Variants in CPA6 observed in about 807,000 individuals in gnomAD.
CPA6 encodes the protein carboxypeptidase B.
Under a neutral mutation model 63.3 loss-of-function variants are expected in CPA6, and 58 were observed. That is an observed-to-expected ratio of 0.92 (90% CI 0.74 to 1.14). The LOEUF (loss-of-function observed/expected upper bound fraction) is 1.14, where lower values mean the gene tolerates loss of function less well. Among genes scored for constraint, CPA6 ranks in the 50% most tolerant of loss-of-function variants. The probability of loss-of-function intolerance (pLI) is 0.00; values close to 1 mark genes in which losing one functional copy is unlikely to be tolerated. For synonymous variants in CPA6, 185 were observed against 179.0 expected (o/e 1.03, Z -0.27); for missense variants, 565 against 526.6 (o/e 1.07, Z -0.71).
chr8:67,465,850 G>C (rs1231927775), intron 8 of CPA6, among the ~76,000 whole-genome samples: 1 of 152,118 alleles, frequency 6.6e-6, no homozygotes, highest in Non-Finnish European at 1.5e-5. Flanking sequence ...GCTGGGTTTT[G>C]TTTGCTAGTA....
At chr8:67,491,251 AG>A (rs2128962358) in intron 6 of CPA6, among the ~76,000 whole-genome samples, 1 of 107,196 alleles carries the variant, frequency 9.3e-6, no homozygotes, top group East Asian at 3.0e-4. Context: ...TTCAAAGGGG[AG>A]CTTAATCTAT....
At chr8:67,536,692 T>C in intron 2 of CPA6, among the ~76,000 whole-genome samples, 1 of 152,210 alleles carries the variant, frequency 6.6e-6, no homozygotes, top group South Asian at 2.1e-4. Context: ...ATTTATTTCT[T>C]TCTCTTGCCT....
chr8:67,648,737 A>G (rs1276193859), intron 1 of CPA6, among the ~76,000 whole-genome samples: 1 of 152,248 alleles, frequency 6.6e-6, no homozygotes, highest in East Asian at 1.9e-4. Context: ...GGGATAAAGC[A>G]GCTACAGAAA....
chr8:67,461,993 T>A (rs1415897615), intron 8 of CPA6, among the ~76,000 whole-genome samples: 1 of 151,982 alleles, frequency 6.6e-6, no homozygotes, highest in Non-Finnish European at 1.5e-5. Flanking sequence ...TTAGTTAAAA[T>A]TTTTAGGTTT....
chr8:67,592,033 T>C (rs1814141887), intron 2 of CPA6, among the ~76,000 whole-genome samples: 1 of 152,238 alleles, frequency 6.6e-6, no homozygotes, highest in Non-Finnish European at 1.5e-5. Flanking sequence ...TTGTCATAGA[T>C]AGCTCTTATT....
chr8:67,590,510 T>G (rs1258899226), intron 2 of CPA6, among the ~76,000 whole-genome samples: 2 of 150,652 alleles, frequency 1.3e-5, no homozygotes. Flanking sequence ...CCACCAACAG[T>G]GTAAAAGTGT....
At chr8:67,521,618 A>G (rs149893517) in intron 2 of CPA6, among the ~76,000 whole-genome samples, 169 of 152,350 alleles carry the variant, frequency 1.1e-3, no homozygotes, top group Middle Eastern at 3.4e-3. Flanking sequence ...AGCATATGAA[A>G]ATAAGGACAG....
chr8:67,558,178 G>T (rs1813112365), intron 2 of CPA6, among the ~76,000 whole-genome samples: 1 of 152,158 alleles, frequency 6.6e-6, no homozygotes, highest in African/African-American at 2.4e-5. Flanking sequence ...TTTTTGCCTG[G>T]AATGTTCTCT....
intron 1 of CPA6, among the ~76,000 whole-genome samples, chr8:67,712,379 C>A (rs973734854): frequency 6.6e-6 from 1 of 152,098 alleles, no homozygotes; most frequent in African/African-American, 2.4e-5. Flanking sequence ...CTAAAATCAG[C>A]AAATCACATG....
At chr8:67,537,380 T>C (rs913472294) in intron 2 of CPA6, among the ~76,000 whole-genome samples, 1 of 152,214 alleles carries the variant, frequency 6.6e-6, no homozygotes, top group African/African-American at 2.4e-5. Flanking sequence ...GAACTTGTTA[T>C]TGGTCTATTT....
chr8:67,733,846 CTTTTTTTTT>C (rs10696053), intron 1 of CPA6, among the ~76,000 whole-genome samples: 7 of 94,932 alleles, frequency 7.4e-5, no homozygotes, highest in Non-Finnish European at 1.2e-4. Context: ...GCTGCATCGT[CTTTTTTTTT>C]TTTTTTTTTT....
chr8:67,715,727 A>G (rs1817363793), intron 1 of CPA6, among the ~76,000 whole-genome samples: 1 of 152,222 alleles, frequency 6.6e-6, no homozygotes, highest in Non-Finnish European at 1.5e-5. Context: ...GGGGTTTACA[A>G]ATTTGGCCAT....
intron 2 of CPA6, among the ~76,000 whole-genome samples, chr8:67,597,557 G>A (rs1814378740): frequency 6.6e-6 from 1 of 151,900 alleles, no homozygotes; most frequent in Non-Finnish European, 1.5e-5. Flanking sequence ...CTTCTCTCTG[G>A]GTATTTTCTT....
At chr8:67,463,626 T>A (rs1810863248) in intron 8 of CPA6, among the ~76,000 whole-genome samples, 1 of 152,152 alleles carries the variant, frequency 6.6e-6, no homozygotes, top group Non-Finnish European at 1.5e-5. Flanking sequence ...GTCCCCCACA[T>A]ACTGAGCAAA....
intron 1 of CPA6, among the ~76,000 whole-genome samples, chr8:67,712,433 T>A (rs1045470931): frequency 2.6e-5 from 4 of 152,124 alleles, no homozygotes. Context: ...CAGAGGCACA[T>A]GGAACCTCTT....
intron 8 of CPA6, among the ~76,000 whole-genome samples, chr8:67,466,423 CTTG>C (rs1445157554): frequency 6.6e-6 from 1 of 151,860 alleles, no homozygotes; most frequent in Non-Finnish European, 1.5e-5. Context: ...TTTTGTTTTG[CTTG>C]TTGTTTGTAT....
intron 2 of CPA6, among the ~76,000 whole-genome samples, chr8:67,607,163 T>C (rs866994104): frequency 0.01 from 596 of 57,360 alleles, 86 homozygotes; most frequent in Non-Finnish European, 0.014. Flanking sequence ...CCTCTTCTTC[T>C]TCTTCCTCTT....
chr8:67,543,022 A>T (rs1386381716), intron 2 of CPA6, among the ~76,000 whole-genome samples: 2 of 152,176 alleles, frequency 1.3e-5, no homozygotes, highest in African/African-American at 4.8e-5. Flanking sequence ...AACTTGACAC[A>T]CCTTTTAAAC....
At chr8:67,465,755 T>G (rs1810911600) in intron 8 of CPA6, among the ~76,000 whole-genome samples, 1 of 152,214 alleles carries the variant, frequency 6.6e-6, no homozygotes, top group Non-Finnish European at 1.5e-5. Context: ...GTGAATCACA[T>G]TTATTGATTT....
Sources: gnomAD v4.1 joint callset for allele counts (sites outside exome capture counted in the v4.1 genomes callset) on GRCh38, gnomAD v4.1.1 for gene constraint, MANE v1.5 for transcripts, NCBI Gene and HGNC (gene_info 2026-07-23, HGNC 2026-07-21) for gene names.